Variants in PLCG2 observed in about 807,000 individuals in gnomAD.
PLCG2 encodes 1-phosphatidylinositol 4,5-bisphosphate phosphodiesterase gamma-2.
In PLCG2, 69 loss-of-function variants were observed where a neutral mutation model predicts 175.6. The ratio of observed to expected loss-of-function variants is 0.39; its 90% CI spans 0.32 to 0.48. PLCG2 has a LOEUF of 0.48. PLCG2 is among the 20% of genes least tolerant of loss of function. The pLI, the probability that PLCG2 is intolerant of heterozygous loss-of-function variation, is 0.91. For synonymous variants in PLCG2, 827 were observed against 624.0 expected (o/e 1.33, Z -4.85); for missense variants, 1,798 against 1,650.9 (o/e 1.09, Z -1.54).
At chr16:81,825,813 TGA>T (rs879474474) in intron 2 of PLCG2, among the ~76,000 whole-genome samples, 52 of 152,128 alleles carry the variant, frequency 3.4e-4, no homozygotes, top group Non-Finnish European at 6.6e-4. Flanking sequence ...GTCACCAGAT[TGA>T]CCAAAGCAAG....
chr16:81,938,841 T>C lies in PLCG2; in HGVS notation c.3239T>C (p.Ile1080Thr). 1 of 1,613,738 alleles carries C rather than the reference T, an allele frequency of 6.2e-7. No individual in the cohort carries two copies. Among genetic ancestry groups the C allele is most frequent in the Non-Finnish European group, 8.5e-7 (1 of 1,179,822 alleles). The change falls in exon 29 of 33, where the codon ATT becomes ACT. Residue 1080 changes from isoleucine (I) to threonine (T), a missense_variant. By Grantham distance (89) the Ile-to-Thr change is moderately conservative. Transcript: ENST00000564138. ...CATCTCCCCAAACTTGGACGAAGTATTGCCTGTCCCTTTGTAGAAGTGGAG... is the reference window on the plus strand; with the variant it reads ...CATCTCCCCAAACTTGGACGAAGTACTGCCTGTCCCTTTGTAGAAGTGGAG... ...ARHLPKLGRS[I>T]ACPFVEVEIC... is the part of the protein sequence containing the mutation.
chr16:81,756,186 C>T (rs1046650075), intron 2 of PLCG2, among the ~76,000 whole-genome samples: 1 of 152,248 alleles, frequency 6.6e-6, no homozygotes, highest in Non-Finnish European at 1.5e-5. Context: ...AGCCCAGGAA[C>T]CGTCGGGGAG....
intron 1 of PLCG2, among the ~76,000 whole-genome samples, chr16:81,750,663 A>ATTTGTTTTTTTTTTTTT (rs1909790978): frequency 2.9e-5 from 2 of 68,446 alleles, no homozygotes; most frequent in African/African-American, 1.0e-4. Context: ...GGGACTGGAG[A>ATTTGTTTTTTTTTTTTT]TTTTTTTTTT....
At chr16:81,923,231 T>TCCTAACC (rs66849768) in intron 21 of PLCG2, among the ~76,000 whole-genome samples, 40,242 of 151,332 alleles carry the variant, frequency 0.27, 5,346 homozygotes, top group South Asian at 0.34. Context: ...AAACCCTAAC[T>TCCTAACC]CCTAACCCCT....
At chr16:81,814,681 C>A (rs537279754) in intron 2 of PLCG2, among the ~76,000 whole-genome samples, 1 of 151,706 alleles carries the variant, frequency 6.6e-6, no homozygotes, top group Non-Finnish European at 1.5e-5. Flanking sequence ...GGCAACAGTA[C>A]GAGACTCTGT....
At chr16:81,940,675 C>T (rs1463002140) in intron 30 of PLCG2, among the ~76,000 whole-genome samples, 2 of 151,972 alleles carry the variant, frequency 1.3e-5, no homozygotes, top group East Asian at 3.9e-4. Flanking sequence ...TCTTAAGAAC[C>T]CTGCTGAATC....
At chr16:81,927,201 C>T (rs1285562755) in intron 23 of PLCG2, 23 bp downstream of exon 23, 10 of 1,520,848 alleles carry the variant, frequency 6.6e-6, no homozygotes, top group Middle Eastern at 1.7e-4. Flanking sequence ...CTTCGATCCT[C>T]TTACAGGAAG....
At chr16:81,907,827 C>A in intron 16 of PLCG2, 53 bp downstream of exon 16, 1 of 1,343,736 alleles carries the variant, frequency 7.4e-7, no homozygotes, top group Non-Finnish European at 1.1e-6. Flanking sequence ...ACCCCGAGGA[C>A]CAGCCAGTCC....
chr16:81,764,462 G>A (rs369937098), intron 2 of PLCG2, among the ~76,000 whole-genome samples: 2 of 152,192 alleles, frequency 1.3e-5, no homozygotes, highest in African/African-American at 4.8e-5. Flanking sequence ...TTTGGAAAGT[G>A]CAATTGCCCA....
rs144941819 is a variant in PLCG2 at position 81,763,881 on chromosome 16, C to T, written c.-48+7915C>T. Among the ~76,000 whole-genome samples the T allele has an allele frequency of 3.9e-3, 597 of 152,038 alleles. 3 individuals are homozygous for T. Among genetic ancestry groups the T allele is most frequent in the African/African-American group, 0.014 (569 of 41,474 alleles). Reference sequence around the variant, plus strand: ...ACTCGGGAGGCTGAGGCATGAGAGTCGCTTGAACCCAGGAGTCGGAGGTTT... The same window carrying T: ...ACTCGGGAGGCTGAGGCATGAGAGTTGCTTGAACCCAGGAGTCGGAGGTTT... On this transcript the variant is annotated intron_variant, in intron 2 of 5. Coordinates refer to the PLCG2 transcript ENST00000565054.
chr16:81,739,092 C>G (rs1420138566), upstream of PLCG2: 1 of 151,966 alleles, frequency 6.6e-6, no homozygotes, highest in Non-Finnish European at 1.5e-5. Context: ...CGCCGTCGGG[C>G]CTTCTCCCTC....
chr16:81,915,533 C>T (rs965405328), intron 19 of PLCG2, among the ~76,000 whole-genome samples: 8 of 152,230 alleles, frequency 5.3e-5, no homozygotes, highest in African/African-American at 1.9e-4. Context: ...TTCTGATTCT[C>T]TTTTCTCCCA....
At chr16:81,760,296 C>T (rs1453707241) in intron 2 of PLCG2, among the ~76,000 whole-genome samples, 1 of 152,150 alleles carries the variant, frequency 6.6e-6, no homozygotes, top group Non-Finnish European at 1.5e-5. Context: ...GGGCACAGAG[C>T]ATGGCTGGTT....
chr16:81,936,089 C>T, intron 26 of PLCG2, 80 bp from the exon 27 acceptor site: 1 of 1,559,156 alleles, frequency 6.4e-7, no homozygotes, highest in East Asian at 2.3e-5. Context: ...ATAATCTGAG[C>T]ATCCAGCCAT....
intron 5 of PLCG2, chr16:81,859,373 C>T (rs949285523): frequency 3.2e-5 from 17 of 531,706 alleles, no homozygotes; most frequent in African/African-American, 9.6e-5. Context: ...AATTCAAGTA[C>T]AGCCTCAGAG....
chr16:81,888,296 C>T (rs1468779508), intron 9 of PLCG2, among the ~76,000 whole-genome samples: 1 of 152,036 alleles, frequency 6.6e-6, no homozygotes, highest in South Asian at 2.1e-4. Flanking sequence ...TTGCAACCTC[C>T]GCCTCTTGGG....
At chr16:81,748,552 G>C (rs544458537) in intron 1 of PLCG2, among the ~76,000 whole-genome samples, 1 of 152,042 alleles carries the variant, frequency 6.6e-6, no homozygotes. Flanking sequence ...TTTGGGGGAG[G>C]GGACATTAGG....
chr16:81,744,494 G>C (rs1909665484), intron 1 of PLCG2, among the ~76,000 whole-genome samples: 1 of 152,126 alleles, frequency 6.6e-6, no homozygotes, highest in Non-Finnish European at 1.5e-5. Context: ...AAAACAGATT[G>C]AGGTGACTTT....
intron 30 of PLCG2, among the ~76,000 whole-genome samples, chr16:81,942,174 G>A (rs1293700312): frequency 5.3e-5 from 8 of 152,090 alleles, no homozygotes; most frequent in African/African-American, 1.7e-4. Context: ...TGGTTACCCC[G>A]ACGTCCTCTT....
Sources: gnomAD v4.1 joint callset for allele counts (sites outside exome capture counted in the v4.1 genomes callset) on GRCh38, gnomAD v4.1.1 for gene constraint, MANE v1.5 for transcripts, NCBI Gene and HGNC (gene_info 2026-07-23, HGNC 2026-07-21) for gene names.